Variants in MAGED2 observed in about 807,000 individuals in gnomAD.
The protein encoded by MAGED2 is MAGE family member D2.
MAGED2 carries 6 observed loss-of-function variants against 41.7 expected under a neutral mutation model. That is an observed-to-expected ratio of 0.14 (90% CI 0.08 to 0.28). The LOEUF (loss-of-function observed/expected upper bound fraction) is 0.28, where lower values mean the gene tolerates loss of function less well. Ranked by LOEUF, MAGED2 falls within the 10% of genes least tolerant of loss-of-function variation. The pLI is 1.00. For missense variants in MAGED2, 343 were observed against 486.4 expected (o/e 0.71, Z 2.77); for synonymous variants, 146 against 178.2 (o/e 0.82, Z 1.44).
rs1017445294 is a variant in MAGED2, at chrX:54,811,808, C to T, written c.990+155C>T. Among the ~76,000 whole-genome samples the T allele has an allele frequency of 3.5e-4, 39 of 110,557 alleles. 1 individual carries two copies. The highest frequency in any genetic ancestry group is 4.7e-3 in the Middle Eastern group (1 of 214). On this transcript the variant is annotated intron_variant, in intron 6 of 12. Coordinates refer to ENST00000375068, the MANE Select transcript of MAGED2 (RefSeq NM_177433.3). Reference sequence around the variant, plus strand: ...TGGCCTAGGGAGGGGTGTAGATTAGCGATGGGTCACACAGCAAGTCAATGG... The same window carrying T: ...TGGCCTAGGGAGGGGTGTAGATTAGTGATGGGTCACACAGCAAGTCAATGG...
rs760754361 is a variant in MAGED2, at chrX:54,810,940, G to A, written c.657G>A (p.Arg219=). 2 of 1,204,597 alleles carry A rather than the reference G, an allele frequency of 1.7e-6. No homozygotes were observed. The highest frequency in any genetic ancestry group is 4.4e-5 in the Admixed American group (2 of 45,339). The change falls in exon 4 of 13, where the codon AGG becomes AGA. Residue 219 remains arginine (R), a synonymous_variant. Transcript: ENST00000375068. ...LMASMARRAS[R]GPIAFWARRA... ...CCTCAATGGCCCGCAGGGCTTCAAGGGGTCCCATAGCCTTTTGGGCCCGCA... is the reference window on the plus strand; with the variant it reads ...CCTCAATGGCCCGCAGGGCTTCAAGAGGTCCCATAGCCTTTTGGGCCCGCA...
At chrX:54,808,994 C>T (rs1183823855) in intron 1 of MAGED2, 5 of 319,557 alleles carry the variant, frequency 1.6e-5, no homozygotes, top group Non-Finnish European at 2.8e-5. Flanking sequence ...GCGGGCGGGG[C>T]TGAGAGCGGC....
At chrX:54,815,179 A>T (rs138818544) in intron 11 of MAGED2, 69 bp from the exon 12 acceptor site, 3 of 1,112,317 alleles carry the variant, frequency 2.7e-6, no homozygotes, top group Non-Finnish European at 3.6e-6. Flanking sequence ...GGTTATTTAC[A>T]TAGTAATACT....
Position 54,815,478 on chromosome X carries a change from C to T in MAGED2, c.1617C>T (p.Ala539=), listed in dbSNP as rs1929936363. ...TCCAGGCGGGAGCAGAAGCTAAAGC[C>T]AAAGCCCAAGAGAGTGGCAGTGCCA... ...ARIQAGAEAK[A]KAQESGSAST... is the part of the protein sequence containing the mutation. Residue 539 remains alanine (A), a synonymous_variant, in exon 12 of 13, where the codon GCC becomes GCT. Transcript: ENST00000375068. 8.3e-7 allele frequency: 1 copy of T among 1,200,667 alleles called. No homozygotes were observed. Among genetic ancestry groups the T allele is most frequent in the African/African-American group, 1.7e-5 (1 of 57,384 alleles).
chrX:54,810,582 G>A (rs1047439519), intron 3 of MAGED2, among the ~76,000 whole-genome samples: 4 of 111,738 alleles, frequency 3.6e-5, no homozygotes, highest in African/African-American at 1.3e-4. Flanking sequence ...AGTGGGCACA[G>A]AAAGAGAAGA....
rs769188952 is a variant in MAGED2, at chrX:54,812,984, T to C, written c.1125T>C (p.Leu375=). Residue 375 remains leucine (L), a synonymous_variant, in exon 8 of 13, where the codon CTT becomes CTC. Coordinates refer to ENST00000375068, the MANE Select transcript of MAGED2 (RefSeq NM_177433.3). ...CCAAGCTGGGTCTGCTCATGGTGCT[T>C]CTTAGCATCATCTTCATGAATGGAA... ...DSPKLGLLMV[L]LSIIFMNGNR... 7 of 1,210,078 alleles carry C rather than the reference T, an allele frequency of 5.8e-6. No individual in the cohort carries two copies. The Admixed American group carries it at 1.5e-4, about 26-fold the overall frequency.
At chrX:54,810,305 A>T (rs2147631758) in intron 3 of MAGED2, 92 bp downstream of exon 3, 1 of 577,775 alleles carries the variant, frequency 1.7e-6, no homozygotes, top group East Asian at 3.6e-5. Flanking sequence ...CCCTGTGCTC[A>T]TCAGGGCTGT....
intron 11 of MAGED2, 73 bp downstream of exon 11, chrX:54,814,848 G>A: frequency 1.4e-6 from 1 of 726,929 alleles, no homozygotes; most frequent in South Asian, 2.3e-5. Context: ...GCTGTGTGCA[G>A]AGCAGCCTGC....
Position 54,815,974 on chromosome X carries a change from T to C in MAGED2, c.*102T>C. On this transcript the variant is annotated 3_prime_UTR_variant, in exon 13 of 13. Transcript: ENST00000375068. Reference sequence around the variant, plus strand: ...ACTCTAGGCAGCCACTATCAATCAATTGAAGTTGACACTCTGCATTAAATC... The same window carrying C: ...ACTCTAGGCAGCCACTATCAATCAACTGAAGTTGACACTCTGCATTAAATC... 7.3e-6 allele frequency: 2 copies of C among 275,342 alleles called. No homozygotes were observed. The highest frequency in any genetic ancestry group is 1.3e-5 in the Non-Finnish European group (2 of 156,459). 22.7% of individuals were successfully genotyped at this position (275,342 alleles called of 1,213,427 possible). A position where few individuals can be genotyped will look rare whatever the true frequency, so the allele number is the denominator to read the frequency against.
intron 10 of MAGED2, chrX:54,814,375 G>A: frequency 2.1e-6 from 1 of 470,397 alleles, no homozygotes; most frequent in Non-Finnish European, 4.0e-6. Flanking sequence ...GCAGTGGGGT[G>A]TGCTCAGAGC....
intron 1 of MAGED2, chrX:54,808,468 C>A (rs907130382): frequency 8.9e-6 from 1 of 112,811 alleles, no homozygotes; most frequent in Admixed American, 9.3e-5. Context: ...ATGAGAGCCC[C>A]GCTAGGGGTC....
rs1364136277 is a variant in MAGED2, at chrX:54,811,672, G to T, written c.990+19G>T. ...GGAGAAGGTGAAGGGGCAGCCCTGG[G>T]GGATGGGCACAGTGGGGAAGCCTTG... On this transcript the variant is annotated intron_variant, in intron 6 of 12. Coordinates refer to ENST00000375068, the MANE Select transcript of MAGED2 (RefSeq NM_177433.3). 1 of 1,149,015 alleles carries T rather than the reference G, an allele frequency of 8.7e-7. No homozygotes were observed. Among genetic ancestry groups the T allele is most frequent in the East Asian group, 3.0e-5 (1 of 33,479 alleles). The allele number at this position is 1,149,015 out of a possible 1,213,427, so 94.7% of individuals were successfully genotyped here.
intron 2 of MAGED2, 67 bp from the exon 3 acceptor site, chrX:54,809,654 AT>A: frequency 8.7e-7 from 1 of 1,155,040 alleles, no homozygotes; most frequent in East Asian, 3.0e-5. Context: ...TGGCCTTGGA[AT>A]TTTGGAGCCA....
chrX:54,808,617 A>G (rs1371609659), intron 1 of MAGED2, among the ~76,000 whole-genome samples: 2 of 103,422 alleles, frequency 1.9e-5, no homozygotes, highest in African/African-American at 7.2e-5. Flanking sequence ...TTATTTGAGG[A>G]GGGGGTGTAA....
At chrX:54,811,156 C>T (rs766199797) in intron 4 of MAGED2, 27 bp downstream of exon 4, 24 of 1,191,390 alleles carry the variant, frequency 2.0e-5, no homozygotes, top group East Asian at 8.9e-5. Flanking sequence ...TTTTATTCTG[C>T]CTTTTCTACT....
chrX:54,813,358 C>A, intron 9 of MAGED2, 130 bp from the exon 10 acceptor site: 1 of 828,618 alleles, frequency 1.2e-6, no homozygotes. Flanking sequence ...GTCTCTTGGG[C>A]TTCTATGGAG....
Position 54,809,974 on chromosome X carries a change from A to G in MAGED2, c.298A>G (p.Lys100Glu), listed in dbSNP as rs1929749640. The G allele has an allele frequency of 8.3e-7, 1 of 1,203,101 alleles. No homozygotes were observed. Among genetic ancestry groups the G allele is most frequent in the Admixed American group, 2.2e-5 (1 of 45,114 alleles). ...TDTQVLAAEN[K>E]SLAADTKKQN... ...TACCCAGGTTCTGGCAGCTGAAAAC[A>G]AGAGTCTAGCAGCTGACACCAAGAA... The change falls in exon 3 of 13, where the codon AAG becomes GAG. Residue 100 changes from lysine (K) to glutamate (E), a missense_variant. Coordinates refer to ENST00000375068, the MANE Select transcript of MAGED2 (RefSeq NM_177433.3).
rs187017203 is a variant in MAGED2 at position 54,814,819 on chromosome X, G to T, written c.1386+44G>T. 57 of 1,027,635 alleles carry T rather than the reference G, an allele frequency of 5.5e-5. 1 individual carries two copies. The highest frequency in any genetic ancestry group is 7.1e-5 in the Non-Finnish European group (52 of 730,118). 84.7% of individuals were successfully genotyped at this position (1,027,635 alleles called of 1,213,427 possible). ...GAGCTTGGCAAGTCAAGAGCATGGG[G>T]TGCCCCTGGCTGGGGCAGGCTGTGT... On this transcript the variant is annotated intron_variant, in intron 11 of 12. Transcript: ENST00000375068.
chrX:54,809,509 C>G (rs1481243889), intron 2 of MAGED2, 133 bp downstream of exon 2: 9 of 879,165 alleles, frequency 1.0e-5, no homozygotes, highest in Non-Finnish European at 1.5e-5. Context: ...GTCCCCCTGC[C>G]CAGTGGAGGG....
Sources: allele counts gnomAD v4.1 joint callset (sites outside exome capture counted in the v4.1 genomes callset), GRCh38; gene constraint gnomAD v4.1.1; transcripts MANE v1.5; gene names NCBI Gene and HGNC (gene_info 2026-07-23, HGNC 2026-07-21).